Variants in SDK1 observed in about 807,000 individuals in gnomAD.
SDK1 encodes the protein protein sidekick-1.
A neutral mutation model predicts 245.5 loss-of-function variants in SDK1; 157 were observed. The ratio of observed to expected loss-of-function variants is 0.64; its 90% CI spans 0.56 to 0.73. SDK1 has a LOEUF of 0.73. Ranked by LOEUF, SDK1 falls within the 30% of genes least tolerant of loss-of-function variation. SDK1 has a pLI of 0.00. For missense variants in SDK1, 3,583 were observed against 3,002.3 expected (o/e 1.19, Z -4.52); for synonymous variants, 1,647 against 1,278.5 (o/e 1.29, Z -6.15).
intron 1 of SDK1, among the ~76,000 whole-genome samples, chr7:3,485,978 A>G (rs1382059448): frequency 6.6e-6 from 1 of 151,826 alleles, no homozygotes; most frequent in Non-Finnish European, 1.5e-5. Flanking sequence ...TTAGGACACT[A>G]TTAGGACAGT....
chr7:4,132,448 G>GTGGTGGC, intron 28 of SDK1, 25 bp downstream of exon 28: 1 of 1,541,900 alleles, frequency 6.5e-7, no homozygotes, highest in Non-Finnish European at 8.9e-7. Context: ...GTGGCCGGGC[G>GTGGTGGC]TGGTGGCTCA....
At chr7:4,051,342 C>T (rs1240332397) in intron 18 of SDK1, among the ~76,000 whole-genome samples, 2 of 147,234 alleles carry the variant, frequency 1.4e-5, no homozygotes, top group African/African-American at 5.0e-5. Context: ...TTTTAACCTT[C>T]TTAAGTGAAG....
In SDK1 at chr7:4,161,769, T is replaced by G; in HGVS notation, c.4730-17T>G. 1.2e-6 allele frequency: 2 copies of G among 1,610,466 alleles called. No homozygotes were observed. The highest frequency in any genetic ancestry group is 1.7e-6 in the Non-Finnish European group (2 of 1,177,204). On this transcript the variant is annotated splice_polypyrimidine_tract_variant and intron_variant, in intron 31 of 44. Transcript: ENST00000404826. ...ACAACCACCCTGACCCCCGCTTTCC[T>G]CTCCTGTGTGTTTCAGTTCCAGGAG...
intron 19 of SDK1, among the ~76,000 whole-genome samples, chr7:4,055,043 T>G (rs572519417): frequency 6.6e-6 from 1 of 152,360 alleles, no homozygotes; most frequent in South Asian, 2.1e-4. Flanking sequence ...TGAGAGATAT[T>G]AATCTGTAGT....
intron 1 of SDK1, among the ~76,000 whole-genome samples, chr7:3,567,768 C>A (rs756351682): frequency 6.6e-6 from 1 of 152,090 alleles, no homozygotes; most frequent in Non-Finnish European, 1.5e-5. Flanking sequence ...GCATAACATT[C>A]TACATGGTTC....
chr7:3,908,127 A>G lies in SDK1; in HGVS notation c.848-42796A>G, dbSNP rs1476405797. Among the ~76,000 whole-genome samples, 5 of 152,076 alleles carry G rather than the reference A, an allele frequency of 3.3e-5. No homozygotes were observed. The East Asian group carries it at 9.7e-4, about 29-fold the overall frequency. On this transcript the variant is annotated intron_variant, in intron 5 of 44. Transcript: ENST00000404826. The stretch of plus-strand genomic sequence containing the variant: ...TAATGTGCTGGCTTCTGTGATACAC[A>G]CAGAGAAAATTAACCCTGGAGTAAC...
intron 1 of SDK1, among the ~76,000 whole-genome samples, chr7:3,341,557 C>T (rs1028172846): frequency 2.0e-5 from 3 of 152,046 alleles, no homozygotes; most frequent in Admixed American, 6.5e-5. Context: ...CATTGTTTAT[C>T]CTAAGAAATC....
intron 4 of SDK1, among the ~76,000 whole-genome samples, chr7:3,779,922 G>A (rs893958353): frequency 2.7e-4 from 38 of 138,406 alleles, no homozygotes; most frequent in Middle Eastern, 4.3e-3. Flanking sequence ...CTGGGCGACA[G>A]AGGGAGACTC....
At chr7:3,579,373 A>G (rs912381158) in intron 1 of SDK1, among the ~76,000 whole-genome samples, 2 of 152,268 alleles carry the variant, frequency 1.3e-5, no homozygotes, top group Non-Finnish European at 2.9e-5. Flanking sequence ...GGTTCAAGAT[A>G]TGCAAATCAG....
intron 28 of SDK1, among the ~76,000 whole-genome samples, chr7:4,134,194 T>C (rs1198496675): frequency 6.6e-6 from 1 of 152,202 alleles, no homozygotes; most frequent in African/African-American, 2.4e-5. Context: ...TATTTTCGCT[T>C]TGCCTCTTTC....
chr7:3,745,277 C>G (rs1189763814), intron 4 of SDK1, among the ~76,000 whole-genome samples: 4 of 152,060 alleles, frequency 2.6e-5, no homozygotes, highest in African/African-American at 9.7e-5. Flanking sequence ...AAGTGAAATC[C>G]TAAAGCATTG....
intron 1 of SDK1, among the ~76,000 whole-genome samples, chr7:3,563,287 A>G (rs1336599508): frequency 6.6e-6 from 1 of 152,228 alleles, no homozygotes; most frequent in East Asian, 1.9e-4. Context: ...AGTAATTACA[A>G]CGTATATTCC....
chr7:3,767,865 A>G (rs1433534262), intron 4 of SDK1, among the ~76,000 whole-genome samples: 3 of 152,270 alleles, frequency 2.0e-5, no homozygotes, highest in Admixed American at 6.5e-5. Context: ...GTCATTGATT[A>G]TCATAAAATG....
intron 1 of SDK1, among the ~76,000 whole-genome samples, chr7:3,426,607 G>A (rs1040910561): frequency 5.9e-5 from 9 of 152,192 alleles, no homozygotes; most frequent in African/African-American, 2.2e-4. Context: ...AGCCTAGCCA[G>A]TCACCTGTGG....
chr7:3,763,837 C>G (rs17133790), intron 4 of SDK1, among the ~76,000 whole-genome samples: 7,605 of 152,044 alleles, frequency 0.05, 568 homozygotes, highest in African/African-American at 0.16. Flanking sequence ...TGATAATAAG[C>G]AACAAACTAA....
intron 1 of SDK1, among the ~76,000 whole-genome samples, chr7:3,357,328 GTTTTTTTTTTTTTTTTTTTTTTTTTTT>G (rs560124026): frequency 3.8e-5 from 2 of 52,904 alleles, no homozygotes; most frequent in East Asian, 7.7e-4. Flanking sequence ...TTCTTTTAGT[GTTTTTTTTTTTTTTTTTTTTTTTTTTT>G]TTTTTTTTTT....
At position 3,745,723 on chromosome 7, in the gene SDK1, T is replaced by C. The variant is rs189008506; in HGVS notation, c.714-75727T>C. On this transcript the variant is annotated intron_variant, in intron 4 of 44. Coordinates refer to ENST00000404826, the MANE Select transcript of SDK1 (RefSeq NM_152744.4). ...CCTCATTGCCCCTGCCGTTTAACAT[T>C]GTTTTCAAATGTCTAGCCAATATAA... Among the ~76,000 whole-genome samples the C allele has an allele frequency of 4.6e-5, 7 of 152,280 alleles. No homozygotes were observed. In the East Asian group the frequency reaches 1.2e-3, roughly 25 times the overall value.
At chr7:3,939,568 T>C (rs1394763200) in intron 5 of SDK1, among the ~76,000 whole-genome samples, 1 of 152,192 alleles carries the variant, frequency 6.6e-6, no homozygotes, top group East Asian at 1.9e-4. Flanking sequence ...ACTTACCTCT[T>C]GGTGGGCTGG....
At chr7:3,499,073 A>G (rs528180572) in intron 1 of SDK1, among the ~76,000 whole-genome samples, 142 of 152,312 alleles carry the variant, frequency 9.3e-4, no homozygotes, top group African/African-American at 3.2e-3. Flanking sequence ...CTGTAATACA[A>G]ATGCATTCAG....
Sources: allele counts gnomAD v4.1 joint callset (sites outside exome capture counted in the v4.1 genomes callset), GRCh38; gene constraint gnomAD v4.1.1; transcripts MANE v1.5; gene names NCBI Gene and HGNC (gene_info 2026-07-23, HGNC 2026-07-21).